The following IGSF3 variants were observed in gnomAD, a reference collection of about 807,000 sequenced individuals.
IGSF3 encodes glu-Trp-Ile EWI motif-containing protein 3.
A neutral mutation model predicts 114.4 loss-of-function variants in IGSF3; 23 were observed. The observed-to-expected ratio is 0.20, with a 90% CI of 0.14 to 0.28. The LOEUF is 0.28. IGSF3 is among the 10% of genes least tolerant of loss of function. The pLI, the probability that IGSF3 is intolerant of heterozygous loss-of-function variation, is 1.00. For missense variants in IGSF3, 1,172 were observed against 1,591.5 expected, an observed-to-expected ratio of 0.74 and a Z score of 4.48; for synonymous variants, 571 against 645.2, an observed-to-expected ratio of 0.88 and a Z score of 1.74.
At chr1:116,599,707 A>T (rs561251461) in intron 7 of IGSF3, among the ~76,000 whole-genome samples, 1 of 152,296 alleles carries the variant, frequency 6.6e-6, no homozygotes, top group Non-Finnish European at 1.5e-5. Context: ...AACAACAACA[A>T]ACATACACAC....
chr1:116,575,948 G>A lies in IGSF3; in HGVS notation c.*1364C>T, dbSNP rs1659323304. On this transcript the variant is annotated 3_prime_UTR_variant, in exon 11 of 11. Transcript: ENST00000369486. This position sits in a 1 kb window ranked among gnomAD's most constrained non-coding sequence, Gnocchi z 5.6. ...GGAAAAATCCCACAGACAATGCCTT[G>A]TGATCACAGTCTGCTGAGACTAGGC... 1 of 152,236 alleles carries A rather than the reference G, an allele frequency of 6.6e-6. No homozygotes were observed. The highest frequency in any genetic ancestry group is 2.1e-4 in the South Asian group (1 of 4,828). The allele number at this position is 152,236 out of a possible 1,614,324, so 9.4% of individuals were successfully genotyped here.
At position 116,644,900 on chromosome 1, in the gene IGSF3, G is replaced by A. The variant is rs1441779215; in HGVS notation, c.43+21384C>T. On this transcript the variant is annotated intron_variant, in intron 2 of 10. Coordinates refer to ENST00000369486, the MANE Select transcript of IGSF3 (RefSeq NM_001007237.3). This position sits in a 1 kb window ranked among gnomAD's most constrained non-coding sequence, Gnocchi z 5.6. Reference sequence around the variant, plus strand: ...CCTAGATTAGGCATCAAAAGTACCCGGTCCCCTTCATACATGGCTGGTGGG... The same window carrying A: ...CCTAGATTAGGCATCAAAAGTACCCAGTCCCCTTCATACATGGCTGGTGGG... Among the ~76,000 whole-genome samples, 2 of 152,144 alleles carry A rather than the reference G, an allele frequency of 1.3e-5. No homozygotes were observed. The highest frequency in any genetic ancestry group is 4.8e-5 in the African/African-American group (2 of 41,404).
intron 2 of IGSF3, among the ~76,000 whole-genome samples, chr1:116,639,009 T>C (rs1300538382): frequency 6.6e-6 from 1 of 152,176 alleles, no homozygotes; most frequent in Non-Finnish European, 1.5e-5. Flanking sequence ...AGCAACTAAC[T>C]GTACCAGGTG....
Position 116,610,189 on chromosome 1 carries a change from A to T in IGSF3, c.833-1858T>A, listed in dbSNP as rs1660961101. ...CTGCTGGATATTATCTCTCAGGTCA[A>T]CCCAGTTAGTCATTTATAACCCAAC... On this transcript the variant is annotated intron_variant, in intron 4 of 10. Coordinates refer to ENST00000369486, the MANE Select transcript of IGSF3 (RefSeq NM_001007237.3). The surrounding 1 kb of genome is among the most constrained non-coding windows in gnomAD (Gnocchi z 4.3). Among the ~76,000 whole-genome samples the T allele has an allele frequency of 6.6e-6, 1 of 152,174 alleles. No individual in the cohort carries two copies. The highest frequency in any genetic ancestry group is 2.4e-5 in the African/African-American group (1 of 41,422).
At chr1:116,599,801 T>C (rs1020485307) in intron 7 of IGSF3, 140 bp downstream of exon 7, 157 of 715,562 alleles carry the variant, frequency 2.2e-4, no homozygotes, top group Non-Finnish European at 3.2e-4. Flanking sequence ...TTCTTAAAAC[T>C]TCCTATTGAT....
intron 2 of IGSF3, among the ~76,000 whole-genome samples, chr1:116,621,787 G>C (rs1661428399): frequency 6.6e-6 from 1 of 152,142 alleles, no homozygotes; most frequent in Non-Finnish European, 1.5e-5. Context: ...ACAATAAATT[G>C]TCAATGAGCA....
At chr1:116,601,273 G>A (rs1478563038) in intron 6 of IGSF3, among the ~76,000 whole-genome samples, 1 of 152,216 alleles carries the variant, frequency 6.6e-6, no homozygotes, top group African/African-American at 2.4e-5. Context: ...GTAAGTCAAT[G>A]ACAGAGTTAG....
chr1:116,607,455 G>C lies in IGSF3; in HGVS notation c.1222+487C>G, dbSNP rs957289631. ...GGAAAAGCCATTTAGGGAAATGCCAGCCTTTATACCTGAAAAACCCAGATG... is the reference window on the plus strand; with the variant it reads ...GGAAAAGCCATTTAGGGAAATGCCACCCTTTATACCTGAAAAACCCAGATG... On this transcript the variant is annotated intron_variant, in intron 5 of 10. Transcript: ENST00000369486. The surrounding 1 kb of genome is among the most constrained non-coding windows in gnomAD (Gnocchi z 6.1). Among the ~76,000 whole-genome samples the C allele has an allele frequency of 5.9e-5, 9 of 152,214 alleles. No individual in the cohort carries two copies. The highest frequency in any genetic ancestry group is 2.2e-4 in the African/African-American group (9 of 41,448).
At position 116,579,709 on chromosome 1, in the gene IGSF3, A is replaced by G; in HGVS notation, c.3017T>C (p.Leu1006Pro). ...CTCCCTTTCCTCTTCCTGTTCTTCC[A>G]GGCCAGGGCTGCTCCTTTTCCCCCC... Reference protein sequence around the residue: ...KAGGKRSSPGLEEQEEEREEE... With the variant: ...KAGGKRSSPGPEEQEEEREEE... The change falls in exon 10 of 11, where the codon CTG (leucine) becomes CCG (proline). Residue 1006 changes from leucine to proline, a missense_variant. Physicochemically the swap from Leu to Pro is moderately conservative, Grantham distance 98. Coordinates refer to ENST00000369486, the MANE Select transcript of IGSF3 (RefSeq NM_001007237.3). The surrounding 1 kb of genome is among the most constrained non-coding windows in gnomAD (Gnocchi z 6.4). 6.3e-7 allele frequency: 1 copy of G among 1,580,182 alleles called. No homozygotes were observed. Among genetic ancestry groups the G allele is most frequent in the Middle Eastern group, 1.7e-4 (1 of 5,918 alleles).
At chr1:116,645,568 G>A (rs1384025423) in intron 2 of IGSF3, among the ~76,000 whole-genome samples, 1 of 152,220 alleles carries the variant, frequency 6.6e-6, no homozygotes, top group Middle Eastern at 3.2e-3. Context: ...AGAGCTCAAA[G>A]TAGTGGCCCA....
intron 2 of IGSF3, among the ~76,000 whole-genome samples, chr1:116,663,526 T>A (rs1557890322): frequency 6.6e-6 from 1 of 150,740 alleles, no homozygotes; most frequent in East Asian, 2.0e-4. Flanking sequence ...CCACAACCCT[T>A]ATTGGGTGAG....
Position 116,634,314 on chromosome 1 carries a change from G to T in IGSF3, c.44-17857C>A, listed in dbSNP as rs1336638054. Among the ~76,000 whole-genome samples, 1 of 152,160 alleles carries T rather than the reference G, an allele frequency of 6.6e-6. No homozygotes were observed. The highest frequency in any genetic ancestry group is 2.4e-5 in the African/African-American group (1 of 41,432). Reference sequence around the variant, plus strand: ...GTTTAAAAATCTAAGAGGAAAAAAGGGTAGGCTCCAGCTAGCGGAGAGAAC... The same window carrying T: ...GTTTAAAAATCTAAGAGGAAAAAAGTGTAGGCTCCAGCTAGCGGAGAGAAC... On this transcript the variant is annotated intron_variant, in intron 2 of 10. Coordinates refer to ENST00000369486, the MANE Select transcript of IGSF3 (RefSeq NM_001007237.3). The surrounding 1 kb of genome is among the most constrained non-coding windows in gnomAD (Gnocchi z 4.2).
chr1:116,659,476 G>GC (rs1194454323), intron 2 of IGSF3, among the ~76,000 whole-genome samples: 2 of 152,156 alleles, frequency 1.3e-5, no homozygotes, highest in African/African-American at 2.4e-5. Flanking sequence ...AAATCAGGGG[G>GC]CATTCACACA....
At chr1:116,578,378 T>A (rs1017551157) in intron 10 of IGSF3, among the ~76,000 whole-genome samples, 1 of 152,266 alleles carries the variant, frequency 6.6e-6, no homozygotes, top group East Asian at 1.9e-4. Flanking sequence ...GGGTGGTCTA[T>A]GTATGATGCA....
chr1:116,636,402 T>C lies in IGSF3; in HGVS notation c.44-19945A>G, dbSNP rs1647831021. Among the ~76,000 whole-genome samples, 2 of 152,202 alleles carry C rather than the reference T, an allele frequency of 1.3e-5. No individual in the cohort carries two copies. Among genetic ancestry groups the C allele is most frequent in the African/African-American group, 4.8e-5 (2 of 41,460 alleles). On this transcript the variant is annotated intron_variant, in intron 2 of 10. Coordinates refer to ENST00000369486, the MANE Select transcript of IGSF3 (RefSeq NM_001007237.3). The surrounding 1 kb of genome is among the most constrained non-coding windows in gnomAD (Gnocchi z 4.5). ...ATGCAAACTGGTTCTTCCAGGTTCT[T>C]ATGCCTGGAAGAACTGCTGCTCTCC...
Position 116,638,949 on chromosome 1 carries a change from G to C in IGSF3, c.44-22492C>G, listed in dbSNP as rs1647956784. Among the ~76,000 whole-genome samples the C allele has an allele frequency of 6.6e-6, 1 of 152,166 alleles. No individual in the cohort carries two copies. Among genetic ancestry groups the C allele is most frequent in the African/African-American group, 2.4e-5 (1 of 41,430 alleles). On this transcript the variant is annotated intron_variant, in intron 2 of 10. Coordinates refer to ENST00000369486, the MANE Select transcript of IGSF3 (RefSeq NM_001007237.3). The surrounding 1 kb of genome is among the most constrained non-coding windows in gnomAD (Gnocchi z 4.1). ...GCTGAACCATTCCAGCTGCGCCACT[G>C]CCCAGGAAAAAAGTCACAGGTAGGA...
intron 10 of IGSF3, among the ~76,000 whole-genome samples, chr1:116,578,312 G>A (rs1296772217): frequency 6.6e-6 from 1 of 152,212 alleles, no homozygotes; most frequent in Non-Finnish European, 1.5e-5. Flanking sequence ...CAGGTAAAAT[G>A]TTGCCTAGAC....
chr1:116,639,547 C>A (rs12076749), intron 2 of IGSF3, among the ~76,000 whole-genome samples: 3,831 of 152,314 alleles, frequency 0.025, 150 homozygotes, highest in African/African-American at 0.088. Context: ...GATCCTCCTC[C>A]TCTGCCTTCT....
chr1:116,593,149 A>G lies in IGSF3; in HGVS notation c.2030-4045T>C, dbSNP rs140102893. ...ACCTGTGGCCCTCAGGGTGCACGCC[A>G]TGGATCTGCAGATCAGCATCACCTG... On this transcript the variant is annotated intron_variant, in intron 7 of 10. Coordinates refer to ENST00000369486, the MANE Select transcript of IGSF3 (RefSeq NM_001007237.3). This position sits in a 1 kb window ranked among gnomAD's most constrained non-coding sequence, Gnocchi z 4.5. 1.2e-3 allele frequency among the ~76,000 whole-genome samples: 176 copies of G among 152,352 alleles called. No homozygotes were observed. The highest frequency in any genetic ancestry group is 4.0e-3 in the African/African-American group (165 of 41,590).
Sources: gnomAD v4.1 joint callset for allele counts (sites outside exome capture counted in the v4.1 genomes callset) on GRCh38, gnomAD v4.1.1 for gene constraint, Gnocchi (gnomAD v3.1) non-coding constraint, MANE v1.5 for transcripts, NCBI Gene and HGNC (gene_info 2026-07-23, HGNC 2026-07-21) for gene names.